PSMB7: variants seen among roughly 807,000 people sequenced by gnomAD.
PSMB7 encodes proteasome 20S subunit beta 7.
Under a neutral mutation model 28.1 loss-of-function variants are expected in PSMB7, and 5 were observed. The ratio of observed to expected loss-of-function variants is 0.18; its 90% CI spans 0.09 to 0.37. The LOEUF is 0.37. PSMB7 is among the 10% of genes least tolerant of loss of function. The pLI, the probability that PSMB7 is intolerant of heterozygous loss-of-function variation, is 1.00. For synonymous variants in PSMB7, 122 were observed against 123.7 expected (o/e 0.99, Z 0.09); for missense variants, 275 against 346.2 (o/e 0.79, Z 1.63).
At chr9:124,385,448 CA>C in intron 5 of PSMB7, among the ~76,000 whole-genome samples, 1 of 152,288 alleles carries the variant, frequency 6.6e-6, no homozygotes, top group Non-Finnish European at 1.5e-5. Flanking sequence ...GGCAGCTAAG[CA>C]CTCCTTGAAA....
chr9:124,381,959 C>A (rs1350370386), intron 6 of PSMB7, among the ~76,000 whole-genome samples: 1 of 151,992 alleles, frequency 6.6e-6, no homozygotes, highest in East Asian at 2.0e-4. Flanking sequence ...ACCACCTTCA[C>A]CTTAATAAAG....
chr9:124,410,683 T>A (rs1267781515), intron 4 of PSMB7, among the ~76,000 whole-genome samples: 2 of 152,214 alleles, frequency 1.3e-5, no homozygotes, highest in Non-Finnish European at 2.9e-5. Context: ...TAGACAAGGC[T>A]TCCTATCCAT....
Position 124,414,898 on chromosome 9 carries a change from A to G in PSMB7, c.100T>C (p.Tyr34His), listed in dbSNP as rs1300692338. 1 of 1,613,284 alleles carries G rather than the reference A, an allele frequency of 6.2e-7. No individual in the cohort carries two copies. Among genetic ancestry groups the G allele is most frequent in the Admixed American group, 1.7e-5 (1 of 59,758 alleles). ...GTTTTCCGGACCTTTGGAAGCTTGT[A>G]TCCCCTCTTTGCAAAATCGGCTTCC... ...VLEADFAKRGYKLPKVRKTGT... is the reference protein window; with the variant it reads ...VLEADFAKRGHKLPKVRKTGT... The change falls in exon 2 of 8, where the codon TAC becomes CAC. Residue 34 changes from tyrosine to histidine, a missense_variant. Physicochemically the swap from Tyr to His is moderately conservative, Grantham distance 83. Around this residue, in one of 2 missense-constraint regions of PSMB7, gnomAD observed 62 missense variants for 43.9 expected, o/e 1.41. Transcript: ENST00000259457.
At chr9:124,387,253 A>AAAAC (rs1166216157) in intron 5 of PSMB7, among the ~76,000 whole-genome samples, 18 of 152,294 alleles carry the variant, frequency 1.2e-4, no homozygotes, top group African/African-American at 4.1e-4. Flanking sequence ...CTCAAACAAA[A>AAAAC]AAACAAACAA....
intron 6 of PSMB7, among the ~76,000 whole-genome samples, chr9:124,359,116 T>A (rs559186973): frequency 6.6e-6 from 1 of 152,376 alleles, no homozygotes; most frequent in East Asian, 1.9e-4. Flanking sequence ...TTATATAGTT[T>A]GATTTACTCA....
At chr9:124,390,587 T>A (rs1830774144) in intron 5 of PSMB7, among the ~76,000 whole-genome samples, 1 of 152,100 alleles carries the variant, frequency 6.6e-6, no homozygotes, top group Non-Finnish European at 1.5e-5. Context: ...AAAAACATGT[T>A]CTAAAGCAAA....
chr9:124,357,701 G>T (rs957607114), intron 6 of PSMB7, among the ~76,000 whole-genome samples: 8 of 152,196 alleles, frequency 5.3e-5, no homozygotes, highest in Non-Finnish European at 1.0e-4. Context: ...CCCATCACAT[G>T]CTATGTCCTA....
intron 5 of PSMB7, among the ~76,000 whole-genome samples, chr9:124,390,822 C>G (rs1830775782): frequency 6.6e-6 from 1 of 152,180 alleles, no homozygotes; most frequent in Non-Finnish European, 1.5e-5. Flanking sequence ...ACTTTGCTAG[C>G]TGTCACAGTC....
At chr9:124,405,827 T>C (rs1331025716) in intron 4 of PSMB7, among the ~76,000 whole-genome samples, 2 of 151,944 alleles carry the variant, frequency 1.3e-5, no homozygotes, top group South Asian at 2.1e-4. Context: ...GGACTACAGG[T>C]GTGCACCACC....
intron 4 of PSMB7, among the ~76,000 whole-genome samples, chr9:124,412,106 T>A (rs1372442933): frequency 1.3e-5 from 2 of 152,048 alleles, no homozygotes; most frequent in African/African-American, 4.8e-5. Context: ...TCCAGTAATA[T>A]CCCTATGCTC....
At chr9:124,380,199 C>T (rs1322882272) in intron 6 of PSMB7, among the ~76,000 whole-genome samples, 1 of 152,198 alleles carries the variant, frequency 6.6e-6, no homozygotes, top group Non-Finnish European at 1.5e-5. Flanking sequence ...GAACTATGTT[C>T]CCCCAAAGTT....
At chr9:124,358,870 T>C (rs1473988138) in intron 6 of PSMB7, among the ~76,000 whole-genome samples, 1 of 152,258 alleles carries the variant, frequency 6.6e-6, no homozygotes, top group Admixed American at 6.5e-5. Flanking sequence ...GGGCAGCGCT[T>C]AGGACTGCAC....
chr9:124,389,110 G>A (rs904361447), intron 5 of PSMB7, among the ~76,000 whole-genome samples: 7 of 152,172 alleles, frequency 4.6e-5, no homozygotes, highest in African/African-American at 1.4e-4. Context: ...AATATTTATC[G>A]CCTAGTTTAC....
chr9:124,407,638 C>T (rs923659602), intron 4 of PSMB7, among the ~76,000 whole-genome samples: 1 of 152,292 alleles, frequency 6.6e-6, no homozygotes. Context: ...GATGTTTTGG[C>T]AAATTATTGA....
intron 3 of PSMB7, among the ~76,000 whole-genome samples, chr9:124,412,909 G>A (rs1021918571): frequency 8.5e-5 from 13 of 152,132 alleles, no homozygotes; most frequent in African/African-American, 2.9e-4. Flanking sequence ...AAAGTTGAGT[G>A]TAAGATACAC....
chr9:124,414,966 A>AGGGCAGGACCACATC, intron 1 of PSMB7, 31 bp from the exon 2 acceptor site: 1 of 1,481,592 alleles, frequency 6.7e-7, no homozygotes, highest in South Asian at 1.2e-5. Flanking sequence ...CAAGTGTTGA[A>AGGGCAGGACCACATC]GGGCAGGACC....
At chr9:124,393,050 G>A (rs1407789024) in intron 5 of PSMB7, among the ~76,000 whole-genome samples, 1 of 152,144 alleles carries the variant, frequency 6.6e-6, no homozygotes, top group African/African-American at 2.4e-5. Context: ...CCCACAGACT[G>A]GGATCATTTT....
At chr9:124,398,900 C>T (rs1217463407) in intron 5 of PSMB7, among the ~76,000 whole-genome samples, 4 of 151,966 alleles carry the variant, frequency 2.6e-5, no homozygotes, top group African/African-American at 9.7e-5. Context: ...ATAATAGCAT[C>T]CCTTACACTG....
intron 6 of PSMB7, among the ~76,000 whole-genome samples, chr9:124,359,384 A>AT (rs1396953720): frequency 1.3e-5 from 2 of 152,202 alleles, no homozygotes; most frequent in African/African-American, 4.8e-5. Flanking sequence ...CAATCAATCA[A>AT]CATCTACCAG....
Sources: gnomAD v4.1 joint callset for allele counts (sites outside exome capture counted in the v4.1 genomes callset) on GRCh38, gnomAD v4.1.1 for gene constraint, gnomAD v4.1.1 regional missense constraint, MANE v1.5 for transcripts, NCBI Gene and HGNC (gene_info 2026-07-23, HGNC 2026-07-21) for gene names.